CAMKV: variants seen among roughly 807,000 people sequenced by gnomAD.
CAMKV encodes caM kinase-like vesicle-associated protein.
CAMKV carries 5 observed loss-of-function variants against 50.2 expected under a neutral mutation model. That is an observed-to-expected ratio of 0.10 (90% CI 0.05 to 0.21). The LOEUF is 0.21. Among genes scored for constraint, CAMKV ranks in the 10% least tolerant of loss-of-function variants. The pLI is 1.00. For synonymous variants in CAMKV, 229 were observed against 250.1 expected (o/e 0.92, Z 0.80); for missense variants, 361 against 650.5 (o/e 0.55, Z 4.84).
rs1182345667 is a variant in CAMKV at position 49,869,395 on chromosome 3, G to A, written c.-15+363C>T. On this transcript the variant is annotated intron_variant, in intron 1 of 10. Coordinates refer to ENST00000477224, the MANE Select transcript of CAMKV (RefSeq NM_024046.5). The surrounding 1 kb of genome is among the most constrained non-coding windows in gnomAD (Gnocchi z 5.2). ...TTAGTGACTGCTAAGCGGGAGGGAAGGGGCCCGGGGACAGTTGGGAGGGGC... is the reference window on the plus strand; with the variant it reads ...TTAGTGACTGCTAAGCGGGAGGGAAAGGGCCCGGGGACAGTTGGGAGGGGC... Among the ~76,000 whole-genome samples, 1 of 152,210 alleles carries A rather than the reference G, an allele frequency of 6.6e-6. No homozygotes were observed. The highest frequency in any genetic ancestry group is 2.4e-5 in the African/African-American group (1 of 41,446).
At position 49,860,364 on chromosome 3, in the gene CAMKV, G is replaced by C; in HGVS notation, c.855-106C>G. The C allele has an allele frequency of 6.6e-7, 1 of 1,512,614 alleles. No homozygotes were observed. The highest frequency in any genetic ancestry group is 9.2e-7 in the Non-Finnish European group (1 of 1,091,580). 93.7% of individuals were successfully genotyped at this position (1,512,614 alleles called of 1,614,324 possible). ...AGGGACTACCAGGCAGAGCCTCTGG[G>C]CTGCCCTGAGCTCTAGGTACCTGCA... is the stretch of plus-strand genomic sequence containing the variant. On this transcript the variant is annotated intron_variant, in intron 9 of 10. Transcript: ENST00000477224. The surrounding 1 kb of genome is among the most constrained non-coding windows in gnomAD (Gnocchi z 6.1).
Position 49,859,606 on chromosome 3 carries a change from G to A in CAMKV, c.1218C>T (p.Thr406=), listed in dbSNP as rs764938176. The stretch of plus-strand genomic sequence containing the variant: ...CAGTGGCTGGAGTGATGCTTCCATC[G>A]GTGGCTGGGGTGACACTGCCATCAG... ...PATDGSVTPA[T]DGSITPATDG... is the part of the protein sequence containing the mutation. Residue 406 remains threonine (T), a synonymous_variant, in exon 11 of 11, where the codon ACC becomes ACT. Transcript: ENST00000477224. The surrounding 1 kb of genome is among the most constrained non-coding windows in gnomAD (Gnocchi z 5.5). 2.5e-6 allele frequency: 4 copies of A among 1,613,868 alleles called. No individual in the cohort carries two copies. The highest frequency in any genetic ancestry group is 2.2e-5 in the East Asian group (1 of 44,870).
At chr3:49,868,783 C>A (rs1387341337) in intron 1 of CAMKV, among the ~76,000 whole-genome samples, 1 of 152,174 alleles carries the variant, frequency 6.6e-6, no homozygotes. Flanking sequence ...AAAGCCTGGA[C>A]TTGGGGGTAA....
At chr3:49,866,846 C>T (rs1207504398) in intron 1 of CAMKV, among the ~76,000 whole-genome samples, 1 of 152,270 alleles carries the variant, frequency 6.6e-6, no homozygotes, top group Admixed American at 6.5e-5. Context: ...GGAGGCCCCA[C>T]ATTGGGGTCC....
At chr3:49,864,747 G>A (rs557785412) in intron 1 of CAMKV, among the ~76,000 whole-genome samples, 2 of 152,350 alleles carry the variant, frequency 1.3e-5, no homozygotes, top group African/African-American at 4.8e-5. Flanking sequence ...CACTTGCTGT[G>A]TGCAGGGCCT....
intron 1 of CAMKV, among the ~76,000 whole-genome samples, chr3:49,867,944 C>T (rs2082077685): frequency 6.6e-6 from 1 of 152,164 alleles, no homozygotes; most frequent in African/African-American, 2.4e-5. Flanking sequence ...ATCCCTGGGC[C>T]AGGAGCTATC....
intron 1 of CAMKV, among the ~76,000 whole-genome samples, chr3:49,868,114 C>T (rs919136761): frequency 6.6e-6 from 1 of 152,172 alleles, no homozygotes; most frequent in Non-Finnish European, 1.5e-5. Context: ...GTTCCCAGCC[C>T]GTCTCTCTGC....
At position 49,862,421 on chromosome 3, in the gene CAMKV, C is replaced by T. The variant is rs2082029470; in HGVS notation, c.-14-19G>A. Reference sequence around the variant, plus strand: ...CTCTAACCTGCGGGCACAATGGGGTCTGGCTTAGCTGTACTACTCTCCACT... The same window carrying T: ...CTCTAACCTGCGGGCACAATGGGGTTTGGCTTAGCTGTACTACTCTCCACT... On this transcript the variant is annotated intron_variant, in intron 1 of 10. Transcript: ENST00000477224. This position sits in a 1 kb window ranked among gnomAD's most constrained non-coding sequence, Gnocchi z 5.2. 1 of 1,596,348 alleles carries T rather than the reference C, an allele frequency of 6.3e-7. No homozygotes were observed.
rs2108329882 is a variant in CAMKV at position 49,861,912 on chromosome 3, G to A, written c.228-47C>T. ...AGTAGTTAGGGCTGGATGAACCCCT[G>A]GGAGAGGCTGTGGTCACCACAGTGG... On this transcript the variant is annotated intron_variant, in intron 3 of 10. Coordinates refer to ENST00000477224, the MANE Select transcript of CAMKV (RefSeq NM_024046.5). This position sits in a 1 kb window ranked among gnomAD's most constrained non-coding sequence, Gnocchi z 7.7. The A allele has an allele frequency of 6.2e-7, 1 of 1,609,732 alleles. No individual in the cohort carries two copies. The highest frequency in any genetic ancestry group is 8.5e-7 in the Non-Finnish European group (1 of 1,177,500).
rs1035586854 is a variant in CAMKV at position 49,862,531 on chromosome 3, G to A, written c.-14-129C>T. The A allele has an allele frequency of 4.2e-5, 32 of 759,622 alleles. No individual in the cohort carries two copies. The highest frequency in any genetic ancestry group is 7.2e-5 in the Non-Finnish European group (32 of 444,066). The allele number at this position is 759,622 out of a possible 1,614,324, so 47.1% of individuals were successfully genotyped here. ...GCAGAGACCATACCAGGAGGGGCTAGAGGATAGGCAGGCTTAGATCCTACC... is the reference window on the plus strand; with the variant it reads ...GCAGAGACCATACCAGGAGGGGCTAAAGGATAGGCAGGCTTAGATCCTACC... On this transcript the variant is annotated intron_variant, in intron 1 of 10. Coordinates refer to ENST00000477224, the MANE Select transcript of CAMKV (RefSeq NM_024046.5). This position sits in a 1 kb window ranked among gnomAD's most constrained non-coding sequence, Gnocchi z 5.2.
At position 49,869,579 on chromosome 3, in the gene CAMKV, C is replaced by T. The variant is rs934250773; in HGVS notation, c.-15+179G>A. Among the ~76,000 whole-genome samples the T allele has an allele frequency of 1.3e-5, 2 of 152,162 alleles. No homozygotes were observed. Among genetic ancestry groups the T allele is most frequent in the African/African-American group, 4.8e-5 (2 of 41,454 alleles). ...GTCCGAGGTAATGGGGAACTTTAGC[C>T]CGACCCCGCACTCCCTCCCCCAAAT... On this transcript the variant is annotated intron_variant, in intron 1 of 10. Transcript: ENST00000477224. The surrounding 1 kb of genome is among the most constrained non-coding windows in gnomAD (Gnocchi z 5.2).
Position 49,858,632 on chromosome 3 carries a change from G to A in CAMKV, c.*686C>T, listed in dbSNP as rs188802238. 24 of 346,078 alleles carry A rather than the reference G, an allele frequency of 6.9e-5. No homozygotes were observed. Among genetic ancestry groups the A allele is most frequent in the Non-Finnish European group, 1.1e-4 (22 of 193,592 alleles). 21.4% of individuals were successfully genotyped at this position (346,078 alleles called of 1,614,324 possible). On this transcript the variant is annotated 3_prime_UTR_variant, in exon 11 of 11. Coordinates refer to ENST00000477224, the MANE Select transcript of CAMKV (RefSeq NM_024046.5). ...GGCAGCCCACTGCAGGACTCGGAAA[G>A]GCAGGAAATAACACAAATAACAGGG...
In CAMKV at chr3:49,861,001, G is replaced by A. The variant is rs1361038100; in HGVS notation, c.580C>T (p.Arg194Trp). 2.5e-6 allele frequency: 4 copies of A among 1,613,860 alleles called. No homozygotes were observed. Among genetic ancestry groups the A allele is most frequent in the Admixed American group, 3.3e-5 (2 of 59,984 alleles). ...TCCACAGGGCGTCCATACCGCTGCC[G>A]GCCTACCACCTCTGGGGCTACAAAC... ...PEYLAPEVVG[R>W]QRYGRPVDCW... The change falls in exon 7 of 11, where the codon CGG becomes TGG. Residue 194 changes from arginine (R) to tryptophan (W), a missense_variant. Around this residue, in one of 4 missense-constraint regions of CAMKV, gnomAD observed 172 missense variants for 414.3 expected, o/e 0.42. Transcript: ENST00000477224. This position sits in a 1 kb window ranked among gnomAD's most constrained non-coding sequence, Gnocchi z 7.7.
chr3:49,866,065 C>A (rs1203953399), intron 1 of CAMKV, among the ~76,000 whole-genome samples: 3 of 151,526 alleles, frequency 2.0e-5, no homozygotes, highest in African/African-American at 7.3e-5. Context: ...GTCTCCCCTG[C>A]CCCCTACTAT....
At chr3:49,864,303 C>A (rs973414580) in intron 1 of CAMKV, among the ~76,000 whole-genome samples, 1 of 152,144 alleles carries the variant, frequency 6.6e-6, no homozygotes, top group Non-Finnish European at 1.5e-5. Context: ...GCAAAACAAG[C>A]CTGATCCTGG....
chr3:49,864,088 G>A (rs1279689782), intron 1 of CAMKV, among the ~76,000 whole-genome samples: 1 of 151,960 alleles, frequency 6.6e-6, no homozygotes, highest in Non-Finnish European at 1.5e-5. Context: ...CATATCTTTT[G>A]TTTACTAATT....
Position 49,858,054 on chromosome 3 carries a change from A to C in CAMKV, c.*1264T>G, listed in dbSNP as rs755390889. 1.5e-5 allele frequency: 6 copies of C among 391,568 alleles called. No homozygotes were observed. Among genetic ancestry groups the C allele is most frequent in the Non-Finnish European group, 2.7e-5 (6 of 222,058 alleles). 24.3% of individuals were successfully genotyped at this position (391,568 alleles called of 1,614,324 possible). ...ACACAGTTAACCCACCGACCTTCAC[A>C]CACCAGAGCAGACCCACAGGCATGC... On this transcript the variant is annotated 3_prime_UTR_variant, in exon 11 of 11. Transcript: ENST00000477224.
Position 49,860,236 on chromosome 3 carries a change from C to G in CAMKV, c.877G>C (p.Asp293His). The G allele has an allele frequency of 6.2e-7, 1 of 1,614,124 alleles. No individual in the cohort carries two copies. The highest frequency in any genetic ancestry group is 8.5e-7 in the Non-Finnish European group (1 of 1,179,996). Residue 293 changes from aspartate to histidine, a missense_variant, in exon 10 of 11, where the codon GAT becomes CAT. Around this residue, in one of 4 missense-constraint regions of CAMKV, gnomAD observed 172 missense variants for 414.3 expected, o/e 0.42. Coordinates refer to ENST00000477224, the MANE Select transcript of CAMKV (RefSeq NM_024046.5). The surrounding 1 kb of genome is among the most constrained non-coding windows in gnomAD (Gnocchi z 6.1). ...CAGACACCATCCTTGATGTTCTTATCAGAAGCAGCATTGCCAGAAATCCTG... is the reference window on the plus strand; with the variant it reads ...CAGACACCATCCTTGATGTTCTTATGAGAAGCAGCATTGCCAGAAATCCTG... Reference protein sequence around the residue: ...HEWISGNAASDKNIKDGVCAQ... With the variant: ...HEWISGNAASHKNIKDGVCAQ...
At position 49,860,062 on chromosome 3, in the gene CAMKV, G is replaced by A. The variant is rs2082008833; in HGVS notation, c.942+109C>T. 1 of 1,144,448 alleles carries A rather than the reference G, an allele frequency of 8.7e-7. No homozygotes were observed. The highest frequency in any genetic ancestry group is 2.4e-5 in the East Asian group (1 of 42,360). The allele number at this position is 1,144,448 out of a possible 1,614,324, so 70.9% of individuals were successfully genotyped here. A position where few individuals can be genotyped will look rare whatever the true frequency, so the allele number is the denominator to read the frequency against. ...CACAGTGGCTACACCCACACCTGAT[G>A]GCCTGAGAAAAGCTTGTGTGTGGCT... On this transcript the variant is annotated intron_variant, in intron 10 of 10. Coordinates refer to ENST00000477224, the MANE Select transcript of CAMKV (RefSeq NM_024046.5). The surrounding 1 kb of genome is among the most constrained non-coding windows in gnomAD (Gnocchi z 6.1).
Sources: gnomAD v4.1 joint callset for allele counts (sites outside exome capture counted in the v4.1 genomes callset) on GRCh38, gnomAD v4.1.1 for gene constraint, gnomAD v4.1.1 regional missense constraint, Gnocchi (gnomAD v3.1) non-coding constraint, MANE v1.5 for transcripts, NCBI Gene and HGNC (gene_info 2026-07-23, HGNC 2026-07-21) for gene names.